PPP2R2B: variants seen among roughly 807,000 people sequenced by gnomAD.
PPP2R2B encodes the protein serine/threonine-protein phosphatase 2A 55 kDa regulatory subunit B beta isoform.
A neutral mutation model predicts 46.0 loss-of-function variants in PPP2R2B; 5 were observed. The ratio of observed to expected loss-of-function variants is 0.11; its 90% confidence interval spans 0.06 to 0.23. The LOEUF is 0.23. PPP2R2B is among the 10% of genes least tolerant of loss of function. The pLI is 1.00. For missense variants in PPP2R2B, 367 were observed against 575.0 expected, an observed-to-expected ratio of 0.64 and a Z score of 3.70; for synonymous variants, 215 against 206.7, an observed-to-expected ratio of 1.04 and a Z score of -0.34.
At chr5:146,746,116 T>C (rs1273693553) in intron 2 of PPP2R2B, among the ~76,000 whole-genome samples, 1 of 152,234 alleles carries the variant, frequency 6.6e-6, no homozygotes, top group Non-Finnish European at 1.5e-5. Flanking sequence ...AGCGCTATTA[T>C]GTGCTACACC....
intron 1 of PPP2R2B, among the ~76,000 whole-genome samples, chr5:146,971,299 A>G (rs899110143): frequency 1.3e-5 from 2 of 152,218 alleles, no homozygotes; most frequent in South Asian, 4.1e-4. Context: ...GATATTTTCC[A>G]GCTACTTGTC....
chr5:147,041,470 A>G (rs983036883), intron 1 of PPP2R2B, among the ~76,000 whole-genome samples: 1 of 152,092 alleles, frequency 6.6e-6, no homozygotes, highest in Non-Finnish European at 1.5e-5. Flanking sequence ...CTCCACCATC[A>G]TTGTTCCCTG....
chr5:146,708,214 C>T lies in PPP2R2B; in HGVS notation c.71-7072G>A, dbSNP rs189468383. 1.9e-3 allele frequency among the ~76,000 whole-genome samples: 283 copies of T among 151,836 alleles called. 1 individual carries two copies. The highest frequency in any genetic ancestry group is 6.3e-3 in the African/African-American group (259 of 41,410). ...CTACCAAAAATAAAAAAAATTAGCT[C>T]GGCATGGTGGTGTATGTCTGTGGTC... On this transcript the variant is annotated intron_variant, in intron 2 of 9. Transcript: ENST00000394411.
intron 1 of PPP2R2B, among the ~76,000 whole-genome samples, chr5:146,975,277 GGTTT>G (rs1426838904): frequency 6.6e-6 from 1 of 151,966 alleles, no homozygotes; most frequent in African/African-American, 2.4e-5. Context: ...TTTTGTCATT[GGTTT>G]ATTTTGCTTT....
At chr5:146,819,257 T>G (rs1003358219) in intron 2 of PPP2R2B, among the ~76,000 whole-genome samples, 1 of 152,194 alleles carries the variant, frequency 6.6e-6, no homozygotes, top group African/African-American at 2.4e-5. Flanking sequence ...GATAAAGATG[T>G]TTTTTCTTCA....
At chr5:146,734,841 A>T (rs1257560122) in intron 2 of PPP2R2B, among the ~76,000 whole-genome samples, 1 of 152,210 alleles carries the variant, frequency 6.6e-6, no homozygotes, top group Admixed American at 6.5e-5. Context: ...ATTCTATTAG[A>T]CTGGTGCAAA....
At chr5:146,967,182 G>C (rs988033067) in intron 1 of PPP2R2B, among the ~76,000 whole-genome samples, 1 of 152,096 alleles carries the variant, frequency 6.6e-6, no homozygotes, top group Non-Finnish European at 1.5e-5. Flanking sequence ...GGATAAAAAA[G>C]GGCTTTCTTA....
At chr5:146,633,784 G>C (rs60548705) in intron 7 of PPP2R2B, among the ~76,000 whole-genome samples, 3,555 of 152,286 alleles carry the variant, frequency 0.023, 198 homozygotes, top group East Asian at 0.23. Flanking sequence ...CTCCCTGGGT[G>C]TGTGGCTTGA....
intron 1 of PPP2R2B, among the ~76,000 whole-genome samples, chr5:146,974,637 A>T (rs1752813270): frequency 6.6e-6 from 1 of 152,204 alleles, no homozygotes; most frequent in African/African-American, 2.4e-5. Context: ...AAATTAATAA[A>T]TTTTGACCAC....
chr5:146,816,453 A>G (rs182951358), intron 2 of PPP2R2B, among the ~76,000 whole-genome samples: 46 of 152,330 alleles, frequency 3.0e-4, no homozygotes, highest in African/African-American at 1.1e-3. Flanking sequence ...GACAATAGAA[A>G]TTTAGTAAAT....
chr5:146,967,410 A>G (rs1463588985), intron 1 of PPP2R2B, among the ~76,000 whole-genome samples: 1 of 152,192 alleles, frequency 6.6e-6, no homozygotes, highest in Non-Finnish European at 1.5e-5. Context: ...AATCCTTATA[A>G]CAGCCCTGTA....
chr5:147,013,833 T>A (rs1448195241), intron 1 of PPP2R2B, among the ~76,000 whole-genome samples: 1 of 131,624 alleles, frequency 7.6e-6, no homozygotes, highest in Non-Finnish European at 1.6e-5. Flanking sequence ...GGGCAAGGAC[T>A]TCATGTCTAA....
At position 147,052,055 on chromosome 5, in the gene PPP2R2B, A is replaced by G. The variant is rs74469429; in HGVS notation, c.79+3610T>C. Among the ~76,000 whole-genome samples the G allele has an allele frequency of 9.5e-3, 1,439 of 152,090 alleles. 63 individuals carry two copies. The East Asian group carries it at 0.15, about 16-fold the overall frequency. The stretch of plus-strand genomic sequence containing the variant: ...TCCTTAATGAGGTCCACAGAGAAGG[A>G]AAGACAGTCCAATCCTCTTTGCAAA... On this transcript the variant is annotated intron_variant, in intron 1 of 8. Coordinates refer to the PPP2R2B transcript ENST00000336640.
chr5:146,857,103 C>T (rs547416846), intron 2 of PPP2R2B, among the ~76,000 whole-genome samples: 2 of 152,156 alleles, frequency 1.3e-5, no homozygotes, highest in Admixed American at 6.5e-5. Flanking sequence ...GGATACTCAG[C>T]GTTTGGGGTA....
At chr5:146,772,630 A>G (rs1754941891) in intron 2 of PPP2R2B, among the ~76,000 whole-genome samples, 1 of 152,130 alleles carries the variant, frequency 6.6e-6, no homozygotes, top group Non-Finnish European at 1.5e-5. Context: ...AATGCAACCA[A>G]AAAAACTGCT....
chr5:146,600,359 T>C lies in PPP2R2B; in HGVS notation c.892A>G (p.Thr298Ala). The C allele has an allele frequency of 1.2e-6, 2 of 1,614,022 alleles. No homozygotes were observed. The highest frequency in any genetic ancestry group is 8.5e-7 in the Non-Finnish European group (1 of 1,179,922). ...KFSHSGRYIM[T>A]RDYLTVKVWD... is the part of the protein sequence containing the mutation. Reference sequence around the variant, plus strand: ...ACTTTGACGGTCAAGTAGTCCCTGGTCATGATATACCTCCCACTGTGGCTG... The same window carrying C: ...ACTTTGACGGTCAAGTAGTCCCTGGCCATGATATACCTCCCACTGTGGCTG... Residue 298 changes from threonine to alanine, a missense_variant, in exon 8 of 10, where the codon ACC (threonine) becomes GCC (alanine). By Grantham distance (58) the Thr-to-Ala change is moderately conservative (BLOSUM62 0). Coordinates refer to ENST00000394411, the MANE Select transcript of PPP2R2B (RefSeq NM_181675.4).
intron 1 of PPP2R2B, chr5:146,919,524 G>A (rs1453239404): frequency 2.6e-5 from 4 of 152,224 alleles, no homozygotes; most frequent in African/African-American, 9.6e-5. Context: ...TTCTGAGAGA[G>A]ATGTTGCCCA....
intron 1 of PPP2R2B, among the ~76,000 whole-genome samples, chr5:146,906,687 A>G (rs1763010613): frequency 6.6e-6 from 1 of 152,136 alleles, no homozygotes; most frequent in Non-Finnish European, 1.5e-5. Context: ...GCACAGAGTG[A>G]TATCTCAATA....
intron 3 of PPP2R2B, 125 bp downstream of exon 3, chr5:146,700,920 T>G (rs1422286004): frequency 2.4e-6 from 2 of 828,630 alleles, no homozygotes. Context: ...TAATGACTTT[T>G]TTGGCAGTTT....
Sources: gnomAD v4.1 joint callset for allele counts (sites outside exome capture counted in the v4.1 genomes callset) on GRCh38, gnomAD v4.1.1 for gene constraint, MANE v1.5 for transcripts, NCBI Gene and HGNC (gene_info 2026-07-23, HGNC 2026-07-21) for gene names.